NME7: variants seen among roughly 807,000 people sequenced by gnomAD.
The protein encoded by NME7 is nucleoside diphosphate kinase 7.
A neutral mutation model predicts 49.1 loss-of-function variants in NME7; 41 were observed. That is an observed-to-expected ratio of 0.83 (90% CI 0.65 to 1.08). NME7 has a LOEUF of 1.08. NME7 is among the 50% of genes least tolerant of loss of function. NME7 has a pLI of 0.00. For missense variants in NME7, 423 were observed against 463.4 expected, an observed-to-expected ratio of 0.91 and a Z score of 0.80; for synonymous variants, 139 against 150.6, an observed-to-expected ratio of 0.92 and a Z score of 0.56.
intron 7 of NME7, among the ~76,000 whole-genome samples, chr1:169,274,819 C>G (rs1395653422): frequency 3.0e-5 from 4 of 132,986 alleles, no homozygotes; most frequent in African/African-American, 5.1e-5. Context: ...GTGTTCCATT[C>G]ATCTATCTCT....
chr1:169,146,467 A>C (rs1314916258), intron 11 of NME7, among the ~76,000 whole-genome samples: 1 of 152,228 alleles, frequency 6.6e-6, no homozygotes, highest in Admixed American at 6.5e-5. Flanking sequence ...TTAGCAATAA[A>C]ATCAGGTGGT....
intron 1 of NME7, among the ~76,000 whole-genome samples, chr1:169,345,468 G>A (rs1410974037): frequency 1.3e-5 from 2 of 151,670 alleles, no homozygotes; most frequent in Non-Finnish European, 2.9e-5. Flanking sequence ...CTGGCCTCAA[G>A]TGATTCTCTA....
At chr1:169,350,289 A>AAGGAAGGAAGGAAGGAAGGAAG (rs1343344770) in intron 1 of NME7, among the ~76,000 whole-genome samples, 9 of 20,634 alleles carry the variant, frequency 4.4e-4, no homozygotes, top group East Asian at 2.8e-3. Context: ...AAGGAAGGAA[A>AAGGAAGGAAGGAAGGAAGGAAG]GAGCCCTGCT....
intron 5 of NME7, among the ~76,000 whole-genome samples, chr1:169,301,296 C>G (rs755930796): frequency 7.9e-5 from 12 of 152,064 alleles, no homozygotes; most frequent in Non-Finnish European, 1.2e-4. Context: ...AAAGAACATA[C>G]AAGCAGCCAA....
rs141340556 is a variant in NME7 at position 169,324,182 on chromosome 1, C to A, written c.111+211G>T. Among the ~76,000 whole-genome samples, 1,015 of 151,926 alleles carry A rather than the reference C, an allele frequency of 6.7e-3. 16 individuals are homozygous for A. Among genetic ancestry groups the A allele is most frequent in the African/African-American group, 0.023 (935 of 41,444 alleles). On this transcript the variant is annotated intron_variant, in intron 2 of 11. Transcript: ENST00000367811. ...CACTTCAGTCTTCTAACAACAACAACAAAAAATTCCTATTTTTGACATTAA... is the reference window on the plus strand; with the variant it reads ...CACTTCAGTCTTCTAACAACAACAAAAAAAAATTCCTATTTTTGACATTAA...
intron 7 of NME7, among the ~76,000 whole-genome samples, 158 bp from the exon 8 acceptor site, chr1:169,237,845 G>A (rs1437094534): frequency 6.6e-6 from 1 of 151,832 alleles, no homozygotes; most frequent in African/African-American, 2.4e-5. Flanking sequence ...CCCTAATACT[G>A]AGCATTAAAT....
At chr1:169,334,632 C>T (rs1652388512) in intron 1 of NME7, among the ~76,000 whole-genome samples, 1 of 152,132 alleles carries the variant, frequency 6.6e-6, no homozygotes, top group African/African-American at 2.4e-5. Flanking sequence ...CTACACAATA[C>T]CATTCAGGAC....
intron 1 of NME7, among the ~76,000 whole-genome samples, chr1:169,336,151 G>C (rs987850793): frequency 2.0e-5 from 3 of 151,574 alleles, no homozygotes; most frequent in Admixed American, 6.6e-5. Flanking sequence ...CAGCTCTTAA[G>C]ACAGCGCGTC....
At chr1:169,357,128 AAGGGAACTAG>A (rs1653494442) in intron 1 of NME7, among the ~76,000 whole-genome samples, 1 of 152,078 alleles carries the variant, frequency 6.6e-6, no homozygotes, top group Non-Finnish European at 1.5e-5. Flanking sequence ...ATATCCCTAT[AAGGGAACTAG>A]TATTATTATT....
chr1:169,227,799 C>T (rs981080477), intron 10 of NME7, among the ~76,000 whole-genome samples: 1 of 152,086 alleles, frequency 6.6e-6, no homozygotes, highest in Non-Finnish European at 1.5e-5. Flanking sequence ...ATGAACTTTT[C>T]GTGGACACAT....
At chr1:169,189,012 A>G (rs1163093039) in intron 10 of NME7, among the ~76,000 whole-genome samples, 1 of 152,210 alleles carries the variant, frequency 6.6e-6, no homozygotes, top group African/African-American at 2.4e-5. Context: ...AAAGCTGAGT[A>G]ATAATGTGGC....
intron 10 of NME7, among the ~76,000 whole-genome samples, chr1:169,191,596 G>A (rs1367419111): frequency 2.0e-5 from 3 of 152,158 alleles, no homozygotes; most frequent in Non-Finnish European, 2.9e-5. Flanking sequence ...ATCTAGTGAA[G>A]ACAGAAGTAG....
intron 10 of NME7, among the ~76,000 whole-genome samples, chr1:169,194,900 C>T (rs10800411): frequency 0.37 from 56,286 of 151,890 alleles, 11,007 homozygotes; most frequent in East Asian, 0.73. Context: ...CTGAAGTTAA[C>T]TGGAATATTA....
chr1:169,246,139 A>G (rs1648302698), intron 7 of NME7, among the ~76,000 whole-genome samples: 1 of 152,048 alleles, frequency 6.6e-6, no homozygotes. Flanking sequence ...ATGTCTACAA[A>G]AAATATGAAA....
At chr1:169,293,246 T>C (rs962319464) in intron 6 of NME7, among the ~76,000 whole-genome samples, 3 of 150,898 alleles carry the variant, frequency 2.0e-5, no homozygotes, top group African/African-American at 7.3e-5. Flanking sequence ...TAGAGAACTA[T>C]TATCACACCA....
chr1:169,331,486 G>C (rs12725912), intron 1 of NME7, among the ~76,000 whole-genome samples: 10,602 of 152,082 alleles, frequency 0.07, 1,445 homozygotes, highest in East Asian at 0.65. Context: ...AATCAGACAA[G>C]AGAAAGATAT....
intron 11 of NME7, among the ~76,000 whole-genome samples, chr1:169,140,305 A>G (rs1196196383): frequency 6.6e-6 from 1 of 152,170 alleles, no homozygotes; most frequent in African/African-American, 2.4e-5. Context: ...CAGAAAGAGT[A>G]CTAGATTTGG....
intron 10 of NME7, among the ~76,000 whole-genome samples, chr1:169,200,942 G>C (rs1281754120): frequency 4.6e-5 from 7 of 152,108 alleles, no homozygotes; most frequent in Non-Finnish European, 1.0e-4. Context: ...TATAAACAAA[G>C]ATTCAAGCCT....
At chr1:169,212,412 A>C (rs1276150114) in intron 10 of NME7, among the ~76,000 whole-genome samples, 1 of 151,976 alleles carries the variant, frequency 6.6e-6, no homozygotes, top group Non-Finnish European at 1.5e-5. Flanking sequence ...TACTCACTGA[A>C]ATTTATTTGT....
Sources: allele counts gnomAD v4.1 joint callset (sites outside exome capture counted in the v4.1 genomes callset), GRCh38; gene constraint gnomAD v4.1.1; transcripts MANE v1.5; gene names NCBI Gene and HGNC (gene_info 2026-07-23, HGNC 2026-07-21).